Variants in ARFGEF3 observed in about 807,000 individuals in gnomAD.
ARFGEF3 encodes the protein ARFGEF family member 3.
ARFGEF3 carries 96 observed loss-of-function variants against 221.7 expected under a neutral mutation model. The observed-to-expected ratio is 0.43, with a 90% CI of 0.37 to 0.51. ARFGEF3 has a LOEUF of 0.51. Among genes scored for constraint, ARFGEF3 ranks in the 20% least tolerant of loss-of-function variants. The pLI, the probability that ARFGEF3 is intolerant of heterozygous loss-of-function variation, is 0.00. For missense variants in ARFGEF3, 2,410 were observed against 2,789.9 expected (o/e 0.86, Z 3.07); for synonymous variants, 1,145 against 1,126.8 (o/e 1.02, Z -0.32).
chr6:138,272,124 T>G (rs190797062), intron 12 of ARFGEF3, among the ~76,000 whole-genome samples: 1 of 138,650 alleles, frequency 7.2e-6, no homozygotes, highest in Non-Finnish European at 1.5e-5. Flanking sequence ...CAGAGATTTA[T>G]AGCATACTAG....
At chr6:138,328,219 A>C (rs1780160840) in intron 32 of ARFGEF3, 77 bp downstream of exon 32, 1 of 1,444,206 alleles carries the variant, frequency 6.9e-7, no homozygotes, top group Non-Finnish European at 9.2e-7. Context: ...ACACATTGTA[A>C]TCTGAGCTTT....
At chr6:138,198,166 A>G (rs1321031514) in intron 2 of ARFGEF3, among the ~76,000 whole-genome samples, 1 of 152,326 alleles carries the variant, frequency 6.6e-6, no homozygotes, top group East Asian at 1.9e-4. Context: ...ACTAGATTGA[A>G]TCATGAAATT....
At chr6:138,279,930 A>G in intron 13 of ARFGEF3, 69 bp from the exon 14 acceptor site, 1 of 1,500,224 alleles carries the variant, frequency 6.7e-7, no homozygotes, top group African/African-American at 1.4e-5. Context: ...AAGAGGCAGC[A>G]GAGGCACTTA....
chr6:138,301,455 A>G (rs761234329), intron 22 of ARFGEF3, among the ~76,000 whole-genome samples: 6 of 152,182 alleles, frequency 3.9e-5, no homozygotes, highest in Non-Finnish European at 5.9e-5. Context: ...TCAGGGACAG[A>G]CTTGGTATGG....
chr6:138,222,081 G>A (rs1014270045), intron 4 of ARFGEF3, among the ~76,000 whole-genome samples: 6 of 152,276 alleles, frequency 3.9e-5, no homozygotes, highest in African/African-American at 1.4e-4. Flanking sequence ...AAGGATCAGT[G>A]GCTCATCCTA....
chr6:138,288,367 AGAGT>A (rs949777125), intron 17 of ARFGEF3, among the ~76,000 whole-genome samples: 9 of 152,106 alleles, frequency 5.9e-5, no homozygotes, highest in African/African-American at 1.7e-4. Context: ...CCTGGGTGAC[AGAGT>A]GAGACCCTAT....
At chr6:138,316,328 T>G (rs567294651) in intron 26 of ARFGEF3, among the ~76,000 whole-genome samples, 1 of 152,356 alleles carries the variant, frequency 6.6e-6, no homozygotes, top group African/African-American at 2.4e-5. Context: ...CATTACATTA[T>G]CAGATATTAT....
chr6:138,241,794 A>G (rs750717950), intron 6 of ARFGEF3, among the ~76,000 whole-genome samples: 1 of 152,252 alleles, frequency 6.6e-6, no homozygotes, highest in Non-Finnish European at 1.5e-5. Flanking sequence ...CCCCAGCTGC[A>G]TGCCAGGACA....
chr6:138,255,901 C>G, intron 10 of ARFGEF3, 132 bp downstream of exon 10: 2 of 745,914 alleles, frequency 2.7e-6, no homozygotes, highest in Non-Finnish European at 4.2e-6. Context: ...TGTCCAGTAG[C>G]GAATGCTGTC....
Position 138,290,427 on chromosome 6 carries a change from GAAACA to G in ARFGEF3, c.3047+478_3047+482del, listed in dbSNP as rs113544757. On this transcript the variant is annotated intron_variant, in intron 18 of 33. Transcript: ENST00000251691. The stretch of plus-strand genomic sequence containing the variant: ...TACCTACTTTTAATTTAGCTAGACT[GAAACA>G]AAACAAAACAAAACAAAAAATCGTA... Among the ~76,000 whole-genome samples the G allele has an allele frequency of 7.0e-3, 1,071 of 152,200 alleles. 8 individuals carry two copies. The highest frequency in any genetic ancestry group is 0.022 in the African/African-American group (934 of 41,528).
At chr6:138,269,527 C>T (rs747830791) in intron 12 of ARFGEF3, among the ~76,000 whole-genome samples, 7 of 152,124 alleles carry the variant, frequency 4.6e-5, no homozygotes, top group Non-Finnish European at 8.8e-5. Flanking sequence ...ATGCAGATGA[C>T]GGCCTGGCGC....
rs1231532169 is a variant in ARFGEF3, at chr6:138,238,626, A to G, written c.538A>G (p.Asn180Asp). Reference protein sequence around the residue: ...LTLQLRQRQENTIIENPDVPQ... With the variant: ...LTLQLRQRQEDTIIENPDVPQ... ...TTTACAGTTACGACAGAGGCAGGAG[A>G]ATACGGTGAGTCTGTGACACCCCCA... The change falls in exon 6 of 34, where the codon AAT (asparagine) becomes GAT (aspartate). Residue 180 changes from asparagine (N) to aspartate (D), a missense_variant. Asn to Asp is a conservative substitution (Grantham distance 23, BLOSUM62 1). Around this residue, in one of 5 missense-constraint regions of ARFGEF3, gnomAD observed 570 missense variants for 586.9 expected, o/e 0.97. Transcript: ENST00000251691. The G allele has an allele frequency of 6.2e-7, 1 of 1,613,282 alleles. No homozygotes were observed. Among genetic ancestry groups the G allele is most frequent in the South Asian group, 1.1e-5 (1 of 91,004 alleles).
At chr6:138,319,196 T>G (rs2114676883) in intron 27 of ARFGEF3, among the ~76,000 whole-genome samples, 1 of 148,110 alleles carries the variant, frequency 6.8e-6, no homozygotes, top group South Asian at 2.1e-4. Context: ...AATTAAGCAA[T>G]CCTCACGCCT....
At chr6:138,241,096 C>T (rs1226452976) in intron 6 of ARFGEF3, among the ~76,000 whole-genome samples, 1 of 152,172 alleles carries the variant, frequency 6.6e-6, no homozygotes, top group Non-Finnish European at 1.5e-5. Context: ...TAAAAGGCCT[C>T]AAGTATATCC....
chr6:138,296,042 T>G (rs1042377991), intron 20 of ARFGEF3, among the ~76,000 whole-genome samples: 12 of 152,186 alleles, frequency 7.9e-5, no homozygotes, highest in African/African-American at 2.9e-4. Context: ...GGTTGTCACC[T>G]TCTTTGCCAA....
intron 2 of ARFGEF3, among the ~76,000 whole-genome samples, chr6:138,206,211 T>C (rs1409329685): frequency 6.6e-6 from 1 of 152,270 alleles, no homozygotes; most frequent in Non-Finnish European, 1.5e-5. Context: ...TTAAAATTCT[T>C]GGTCTGTCGT....
In ARFGEF3 at chr6:138,280,184, G is replaced by T. The variant is rs1041574794; in HGVS notation, c.2461+20G>T. Reference sequence around the variant, plus strand: ...TGACCGGTCAGTGGTTCGTTGCAAGGCCTTGGGGCACGTGGTAGGGTGGGA... The same window carrying T: ...TGACCGGTCAGTGGTTCGTTGCAAGTCCTTGGGGCACGTGGTAGGGTGGGA... On this transcript the variant is annotated intron_variant, in intron 14 of 33. Transcript: ENST00000251691. The T allele has an allele frequency of 6.2e-7, 1 of 1,611,766 alleles. No homozygotes were observed. Among genetic ancestry groups the T allele is most frequent in the Non-Finnish European group, 8.5e-7 (1 of 1,178,390 alleles).
At chr6:138,179,791 T>C (rs767480854) in intron 2 of ARFGEF3, among the ~76,000 whole-genome samples, 1 of 152,194 alleles carries the variant, frequency 6.6e-6, no homozygotes, top group Non-Finnish European at 1.5e-5. Context: ...CTGCAAGATA[T>C]GCAAGTTTTT....
In ARFGEF3 at chr6:138,262,839, A is replaced by G. The variant is rs765142347; in HGVS notation, c.1356A>G (p.Gln452=). The change falls in exon 12 of 34, where the codon CAA becomes CAG. Residue 452 remains glutamine, a synonymous_variant. Transcript: ENST00000251691. The part of the protein sequence containing the change: ...QGKGLSEGQV[Q]LLLLRLEELK... The stretch of plus-strand genomic sequence containing the variant: ...AGGGCTTGAGCGAAGGTCAGGTGCA[A>G]CTGCTGCTTCTGCGCCTTGAGGAGC... 9 of 1,614,006 alleles carry G rather than the reference A, an allele frequency of 5.6e-6. No homozygotes were observed. Among genetic ancestry groups the G allele is most frequent in the Non-Finnish European group, 7.6e-6 (9 of 1,179,880 alleles).
Sources: allele counts gnomAD v4.1 joint callset (sites outside exome capture counted in the v4.1 genomes callset), GRCh38; gene constraint gnomAD v4.1.1; regional missense constraint gnomAD v4.1.1; transcripts MANE v1.5; gene names NCBI Gene and HGNC (gene_info 2026-07-23, HGNC 2026-07-21).